Variants in ALK observed in about 807,000 individuals in gnomAD.
ALK encodes ALK tyrosine kinase receptor.
ALK carries 74 observed loss-of-function variants against 163.1 expected under a neutral mutation model. The observed-to-expected ratio is 0.45, with a 90% CI of 0.38 to 0.55. The LOEUF is 0.55. ALK is among the 20% of genes least tolerant of loss of function. The pLI, the probability that ALK is intolerant of heterozygous loss-of-function variation, is 0.00. For synonymous variants in ALK, 960 were observed against 843.2 expected (o/e 1.14, Z -2.40); for missense variants, 2,063 against 2,105.3 (o/e 0.98, Z 0.39).
At chr2:29,749,188 C>G (rs1056522888) in intron 1 of ALK, among the ~76,000 whole-genome samples, 1 of 152,030 alleles carries the variant, frequency 6.6e-6, no homozygotes, top group African/African-American at 2.4e-5. Flanking sequence ...GCCCTCAGTC[C>G]CCAGGGTTTC....
chr2:29,383,241 T>C (rs952383911), intron 5 of ALK, among the ~76,000 whole-genome samples: 5 of 152,178 alleles, frequency 3.3e-5, no homozygotes, highest in Admixed American at 6.6e-5. Context: ...GATATCATTT[T>C]ATACCAGCTC....
intron 1 of ALK, among the ~76,000 whole-genome samples, chr2:29,863,503 A>G (rs79974191): frequency 0.013 from 2,018 of 151,386 alleles, 51 homozygotes; most frequent in East Asian, 0.098. Context: ...AATGGCCAAT[A>G]AGAATATTTT....
At chr2:29,721,997 A>T (rs577507666) in intron 1 of ALK, among the ~76,000 whole-genome samples, 130 of 152,336 alleles carry the variant, frequency 8.5e-4, no homozygotes, top group African/African-American at 3.1e-3. Flanking sequence ...CTGCAGATAC[A>T]TTGAACAACT....
intron 1 of ALK, among the ~76,000 whole-genome samples, chr2:29,862,609 A>C (rs1345175398): frequency 6.6e-6 from 1 of 152,206 alleles, no homozygotes; most frequent in Non-Finnish European, 1.5e-5. Flanking sequence ...ACATTGATGA[A>C]AGAAATTAAA....
At chr2:29,244,502 T>C (rs1478141843) in intron 12 of ALK, among the ~76,000 whole-genome samples, 4 of 152,194 alleles carry the variant, frequency 2.6e-5, no homozygotes, top group Non-Finnish European at 4.4e-5. Context: ...GTTGCATCAG[T>C]GAGCAAGGTT....
intron 1 of ALK, among the ~76,000 whole-genome samples, chr2:29,780,042 T>C (rs1306373796): frequency 6.6e-6 from 1 of 152,186 alleles, no homozygotes. Context: ...GGACCAAGCA[T>C]CCCAGCCCCA....
At chr2:29,210,048 A>G (rs187732253) in intron 24 of ALK, among the ~76,000 whole-genome samples, 170 bp from the exon 25 acceptor site, 2 of 152,334 alleles carry the variant, frequency 1.3e-5, no homozygotes, top group Admixed American at 6.5e-5. Flanking sequence ...TAACAATTCT[A>G]GGCCTCACAA....
intron 1 of ALK, among the ~76,000 whole-genome samples, chr2:29,796,999 C>CA (rs1491587629): frequency 1.4e-5 from 2 of 138,418 alleles, no homozygotes; most frequent in African/African-American, 2.8e-5. Context: ...TGCACGCACA[C>CA]CCACACACAC....
chr2:29,734,122 G>A (rs986505310), intron 1 of ALK, among the ~76,000 whole-genome samples: 3 of 152,152 alleles, frequency 2.0e-5, no homozygotes, highest in Admixed American at 6.5e-5. Flanking sequence ...GCGGGAAAGG[G>A]CAGAGATCCA....
At chr2:29,799,008 T>C (rs34733901) in intron 1 of ALK, among the ~76,000 whole-genome samples, 375 of 152,302 alleles carry the variant, frequency 2.5e-3, no homozygotes, top group Non-Finnish European at 3.9e-3. Flanking sequence ...GTCTATAAAA[T>C]AGAAATTTTA....
intron 3 of ALK, among the ~76,000 whole-genome samples, chr2:29,601,799 T>G (rs569232196): frequency 3.5e-4 from 54 of 152,236 alleles, no homozygotes; most frequent in African/African-American, 1.1e-3. Context: ...CCAGACCTCG[T>G]CCTGGCATTC....
chr2:29,301,510 T>C (rs1259261028), intron 8 of ALK, among the ~76,000 whole-genome samples: 1 of 152,230 alleles, frequency 6.6e-6, no homozygotes, highest in Admixed American at 6.5e-5. Flanking sequence ...TTGCCAGGCT[T>C]TCCTCTTAGA....
intron 8 of ALK, among the ~76,000 whole-genome samples, chr2:29,302,912 TAAAAA>T (rs2148236013): frequency 6.6e-6 from 1 of 152,268 alleles, no homozygotes; most frequent in South Asian, 2.1e-4. Context: ...CATCAAACTA[TAAAAA>T]TCCTAGAAGA....
chr2:29,803,909 A>G (rs2148366788), intron 1 of ALK, among the ~76,000 whole-genome samples: 1 of 152,324 alleles, frequency 6.6e-6, no homozygotes, highest in South Asian at 2.1e-4. Flanking sequence ...TTTAGGGAAC[A>G]AACAACTTAG....
intron 4 of ALK, among the ~76,000 whole-genome samples, chr2:29,494,112 G>C (rs973763423): frequency 8.5e-5 from 13 of 152,208 alleles, no homozygotes; most frequent in African/African-American, 3.1e-4. Flanking sequence ...GCTTAGATGT[G>C]TGGCTTAGAT....
At chr2:29,653,207 T>C (rs1263229325) in intron 3 of ALK, among the ~76,000 whole-genome samples, 3 of 152,142 alleles carry the variant, frequency 2.0e-5, no homozygotes, top group African/African-American at 7.2e-5. Context: ...ACAGATGTCT[T>C]CTATCTGTGT....
chr2:29,840,488 T>A (rs760705534), intron 1 of ALK, among the ~76,000 whole-genome samples: 4 of 152,226 alleles, frequency 2.6e-5, no homozygotes, highest in Admixed American at 2.0e-4. Flanking sequence ...CAATATTGTC[T>A]ATAAATCATC....
At chr2:29,350,145 G>A (rs775584939) in intron 5 of ALK, among the ~76,000 whole-genome samples, 3 of 152,258 alleles carry the variant, frequency 2.0e-5, no homozygotes, top group East Asian at 1.9e-4. Flanking sequence ...AAATAATCCC[G>A]GTCCTGTCTA....
intron 5 of ALK, among the ~76,000 whole-genome samples, chr2:29,347,970 C>T (rs891120607): frequency 2.0e-5 from 3 of 152,140 alleles, no homozygotes; most frequent in Non-Finnish European, 2.9e-5. Context: ...GGTTCTGGGA[C>T]TACACCTTAA....
Sources: allele counts gnomAD v4.1 joint callset (sites outside exome capture counted in the v4.1 genomes callset), GRCh38; gene constraint gnomAD v4.1.1; transcripts MANE v1.5; gene names NCBI Gene and HGNC (gene_info 2026-07-23, HGNC 2026-07-21).